The following UBASH3B variants were observed in gnomAD, a reference collection of about 807,000 sequenced individuals.
UBASH3B encodes the protein ubiquitin-associated and SH3 domain-containing protein B.
UBASH3B carries 37 observed loss-of-function variants against 83.4 expected under a neutral mutation model. The ratio of observed to expected loss-of-function variants is 0.44; its 90% CI spans 0.34 to 0.58. The LOEUF (loss-of-function observed/expected upper bound fraction) is 0.58. UBASH3B is among the 20% of genes least tolerant of loss of function. The pLI is 0.01. For missense variants in UBASH3B, 657 were observed against 827.2 expected (o/e 0.79, Z 2.52); for synonymous variants, 304 against 318.3 (o/e 0.96, Z 0.48).
At chr11:122,777,393 T>C (rs1258937161) in intron 3 of UBASH3B, among the ~76,000 whole-genome samples, 183 bp downstream of exon 3, 1 of 152,158 alleles carries the variant, frequency 6.6e-6, no homozygotes, top group Non-Finnish European at 1.5e-5. Flanking sequence ...CAACGCTTCC[T>C]AGTTTTATCT....
At chr11:122,674,814 C>T (rs1444629574) in intron 1 of UBASH3B, among the ~76,000 whole-genome samples, 1 of 150,854 alleles carries the variant, frequency 6.6e-6, no homozygotes, top group Non-Finnish European at 1.5e-5. Context: ...CTGCAACCTC[C>T]GCCTTTTGGG....
chr11:122,682,389 G>A (rs781011285), intron 1 of UBASH3B, among the ~76,000 whole-genome samples: 4 of 152,172 alleles, frequency 2.6e-5, no homozygotes, highest in Non-Finnish European at 5.9e-5. Flanking sequence ...TATAGATGGG[G>A]ACGCTGAGGC....
intron 1 of UBASH3B, among the ~76,000 whole-genome samples, chr11:122,721,341 C>T (rs1365532368): frequency 6.6e-6 from 1 of 151,104 alleles, no homozygotes; most frequent in East Asian, 1.9e-4. Flanking sequence ...GAATTCTGTT[C>T]ACTTAGAGTA....
chr11:122,767,217 A>G (rs10790527), intron 1 of UBASH3B, among the ~76,000 whole-genome samples: 146,527 of 151,388 alleles, frequency 0.97, 71,090 homozygotes, highest in Middle Eastern at 1. Context: ...AGCGGAGGTC[A>G]CAGTGAGTGA....
chr11:122,693,946 G>A (rs1057163715), intron 1 of UBASH3B, among the ~76,000 whole-genome samples: 2 of 152,170 alleles, frequency 1.3e-5, no homozygotes, highest in Non-Finnish European at 2.9e-5. Context: ...TCACCCAGTT[G>A]TGTTGTGTGC....
At chr11:122,788,576 A>G (rs1431772982) in intron 5 of UBASH3B, among the ~76,000 whole-genome samples, 1 of 152,142 alleles carries the variant, frequency 6.6e-6, no homozygotes, top group East Asian at 1.9e-4. Context: ...TCTCAAAATA[A>G]TAATAATAAT....
At chr11:122,766,598 C>T (rs933077585) in intron 1 of UBASH3B, among the ~76,000 whole-genome samples, 1 of 151,442 alleles carries the variant, frequency 6.6e-6, no homozygotes, top group African/African-American at 2.4e-5. Flanking sequence ...ATAAAATTAG[C>T]CGGACGTGGT....
chr11:122,737,744 G>A (rs1860957914), intron 1 of UBASH3B, among the ~76,000 whole-genome samples: 1 of 152,092 alleles, frequency 6.6e-6, no homozygotes, highest in Non-Finnish European at 1.5e-5. Flanking sequence ...ATGAGGTTTA[G>A]TGCAAGCAAG....
rs1160120076 is a variant in UBASH3B, at chr11:122,806,292, TAAAC to T, written c.1596-112_1596-109del. 3.5e-6 allele frequency: 3 copies of T among 851,816 alleles called. No homozygotes were observed. The highest frequency in any genetic ancestry group is 5.5e-6 in the Non-Finnish European group (3 of 547,588). The allele number at this position is 851,816 out of a possible 1,614,324, so 52.8% of individuals were successfully genotyped here. A position where few individuals can be genotyped will look rare whatever the true frequency, so the allele number is the denominator to read the frequency against. On this transcript the variant is annotated intron_variant, in intron 11 of 13. Coordinates refer to ENST00000284273, the MANE Select transcript of UBASH3B (RefSeq NM_032873.5). The surrounding 1 kb of genome is among the most constrained non-coding windows in gnomAD (Gnocchi z 4.0). ...CCTTTCTCCTTTCTAGGGAAATGGA[TAAAC>T]AAACAGATCTACGGGATCTTTAGAA... is the stretch of plus-strand genomic sequence containing the variant.
Position 122,688,621 on chromosome 11 carries a change from C to CTTTATTTTATTTTAT in UBASH3B, c.161+32414_161+32415insATTTTATTTTATTTT, listed in dbSNP as rs200531378. 2.0e-3 allele frequency among the ~76,000 whole-genome samples: 265 copies of CTTTATTTTATTTTAT among 132,880 alleles called. 6 individuals carry two copies. Among genetic ancestry groups the CTTTATTTTATTTTAT allele is most frequent in the African/African-American group, 4.7e-3 (171 of 36,610 alleles). 87.2% of individuals were successfully genotyped at this position (132,880 alleles called of 152,430 possible). ...GCCACCACGTCTGGCTAATTTTTTT[C>CTTTATTTTATTTTAT]TTTCTTTTATTTTATTTTATTTTAT... is the stretch of plus-strand genomic sequence containing the variant. On this transcript the variant is annotated intron_variant, in intron 1 of 13. Transcript: ENST00000284273.
intron 10 of UBASH3B, among the ~76,000 whole-genome samples, chr11:122,800,863 T>G (rs1262797834): frequency 6.6e-6 from 1 of 152,052 alleles, no homozygotes; most frequent in Non-Finnish European, 1.5e-5. Flanking sequence ...CTCCTCCGCC[T>G]CCCAAAGTGT....
At chr11:122,804,412 C>T (rs12576782) in intron 11 of UBASH3B, among the ~76,000 whole-genome samples, 78,098 of 151,886 alleles carry the variant, frequency 0.51, 22,640 homozygotes, top group African/African-American at 0.78. Flanking sequence ...GCATCCTTCC[C>T]CTGGACAGTA....
chr11:122,716,078 C>T (rs1352874706), intron 1 of UBASH3B, among the ~76,000 whole-genome samples: 6 of 152,354 alleles, frequency 3.9e-5, no homozygotes, highest in East Asian at 1.9e-4. Context: ...ATTTCCTGAT[C>T]GTGATGCAGT....
At chr11:122,689,871 T>C (rs918368589) in intron 1 of UBASH3B, among the ~76,000 whole-genome samples, 12 of 152,012 alleles carry the variant, frequency 7.9e-5, no homozygotes, top group Non-Finnish European at 1.3e-4. Context: ...GCAAAGGATA[T>C]AGTTGAGGAG....
chr11:122,762,174 C>T (rs1032807026), intron 1 of UBASH3B, among the ~76,000 whole-genome samples: 18 of 152,152 alleles, frequency 1.2e-4, no homozygotes, highest in Admixed American at 8.5e-4. Context: ...ATTCTGGAAT[C>T]ACCGTGCCCC....
In UBASH3B at chr11:122,812,925, C is replaced by T. The variant is rs1326655109; in HGVS notation, c.*3039C>T. 3.3e-5 allele frequency: 5 copies of T among 152,582 alleles called. No homozygotes were observed. Among genetic ancestry groups the T allele is most frequent in the Non-Finnish European group, 5.9e-5 (4 of 68,024 alleles). The allele number at this position is 152,582 out of a possible 1,614,324, so 9.5% of individuals were successfully genotyped here. On this transcript the variant is annotated 3_prime_UTR_variant, in exon 14 of 14. Coordinates refer to ENST00000284273, the MANE Select transcript of UBASH3B (RefSeq NM_032873.5). ...GTTCAGATTACAGTGTTTTCCATTA[C>T]ATTTAGATTCATAGAATCTGAATGG...
intron 4 of UBASH3B, among the ~76,000 whole-genome samples, chr11:122,780,038 T>C (rs1259023601): frequency 6.6e-6 from 1 of 152,120 alleles, no homozygotes; most frequent in Non-Finnish European, 1.5e-5. Flanking sequence ...AAACATCCTT[T>C]CTCCCTCCCA....
intron 1 of UBASH3B, among the ~76,000 whole-genome samples, chr11:122,768,508 G>GTATATATATA (rs3031285): frequency 7.4e-6 from 1 of 134,400 alleles, no homozygotes; most frequent in Non-Finnish European, 1.6e-5. Context: ...GTGTGTGTGT[G>GTATATATATA]TATATATATA....
chr11:122,665,560 G>A (rs750257714), intron 1 of UBASH3B, among the ~76,000 whole-genome samples: 7 of 152,158 alleles, frequency 4.6e-5, no homozygotes, highest in Non-Finnish European at 8.8e-5. Context: ...CTCTGTTCCA[G>A]AGCATTTGGC....
Sources: gnomAD v4.1 joint callset for allele counts (sites outside exome capture counted in the v4.1 genomes callset) on GRCh38, gnomAD v4.1.1 for gene constraint, Gnocchi (gnomAD v3.1) non-coding constraint, MANE v1.5 for transcripts, NCBI Gene and HGNC (gene_info 2026-07-23, HGNC 2026-07-21) for gene names.